Variants in CYP11A1 observed in about 807,000 individuals in gnomAD.
The protein encoded by CYP11A1 is cytochrome P450 family 11 subfamily A member 1.
Under a neutral mutation model 51.9 loss-of-function variants are expected in CYP11A1, and 25 were observed. The ratio of observed to expected loss-of-function variants is 0.48; its 90% CI spans 0.35 to 0.67. The LOEUF is 0.67. Ranked by LOEUF, CYP11A1 falls within the 30% of genes least tolerant of loss-of-function variation. The pLI is 0.00. For synonymous variants in CYP11A1, 245 were observed against 262.1 expected (o/e 0.93, Z 0.63); for missense variants, 578 against 680.9 (o/e 0.85, Z 1.68).
At chr15:74,339,166 T>G in intron 7 of CYP11A1, 71 bp downstream of exon 7, 1 of 1,337,546 alleles carries the variant, frequency 7.5e-7, no homozygotes, top group South Asian at 1.2e-5. Flanking sequence ...AGTGCCACCC[T>G]CTGTCTGCAA....
In CYP11A1 at chr15:74,352,487, T is replaced by G. The variant is rs192157159; in HGVS notation, c.270-4432A>C. ...GGTTTCACCATATTGGCCAGGCTGG[T>G]CTTGAACTCTTGACCTTGTGATCTG... On this transcript the variant is annotated intron_variant, in intron 1 of 8. Transcript: ENST00000268053. Among the ~76,000 whole-genome samples the G allele has an allele frequency of 6.6e-5, 10 of 152,264 alleles. No individual in the cohort carries two copies. The East Asian group carries it at 1.9e-3, about 29-fold the overall frequency.
intron 2 of CYP11A1, among the ~76,000 whole-genome samples, chr15:74,346,197 A>G (rs1033657537): frequency 1.3e-5 from 2 of 152,020 alleles, no homozygotes; most frequent in African/African-American, 4.8e-5. Context: ...TACTGAAAAT[A>G]CAAAAATTAG....
chr15:74,351,228 C>T (rs1427541557), intron 1 of CYP11A1, among the ~76,000 whole-genome samples: 1 of 152,040 alleles, frequency 6.6e-6, no homozygotes, highest in African/African-American at 2.4e-5. Context: ...TTCCTAGTAG[C>T]TCCTTGGAAA....
chr15:74,358,336 C>T (rs1251312133), intron 1 of CYP11A1, among the ~76,000 whole-genome samples: 2 of 152,234 alleles, frequency 1.3e-5, no homozygotes, highest in Admixed American at 6.5e-5. Context: ...TCTCTTCCCA[C>T]ACAAGGCAAA....
At chr15:74,351,844 T>C (rs1282460037) in intron 1 of CYP11A1, among the ~76,000 whole-genome samples, 1 of 152,228 alleles carries the variant, frequency 6.6e-6, no homozygotes, top group Non-Finnish European at 1.5e-5. Flanking sequence ...ACACCCTGCT[T>C]TGAAGTCGTG....
At position 74,338,076 on chromosome 15, in the gene CYP11A1, G is replaced by A. The variant is rs765916701; in HGVS notation, c.1462C>T (p.Gln488Ter). ...GTGGTGCCCACATCGCTGAGGTGTT[G>A]GATTTCAACTCTGAAGTTCTCCAGC... Reference protein sequence around the residue: ...NMLENFRVEIQHLSDVGTTFN... With the variant: ...NMLENFRVEI Residue 488 changes from glutamine to a stop codon, truncating the protein, a stop_gained, in exon 9 of 9, where the codon CAA becomes TAA. Coordinates refer to ENST00000268053, the MANE Select transcript of CYP11A1 (RefSeq NM_000781.3). LOFTEE classifies it high-confidence loss of function. The A allele has an allele frequency of 6.2e-7, 1 of 1,614,196 alleles. No individual in the cohort carries two copies. The highest frequency in any genetic ancestry group is 2.2e-5 in the East Asian group (1 of 44,884).
intron 1 of CYP11A1, among the ~76,000 whole-genome samples, chr15:74,355,468 T>A (rs1384365023): frequency 5.3e-5 from 8 of 152,182 alleles, no homozygotes; most frequent in Non-Finnish European, 7.3e-5. Flanking sequence ...CCCTCCCACC[T>A]GTCCCTTCAG....
intron 1 of CYP11A1, among the ~76,000 whole-genome samples, chr15:74,360,225 C>A (rs1055236542): frequency 6.6e-6 from 1 of 152,146 alleles, no homozygotes; most frequent in East Asian, 1.9e-4. Context: ...ATGCCCCTAG[C>A]TGTGCTGGAA....
intron 6 of CYP11A1, 99 bp from the exon 7 acceptor site, chr15:74,339,414 G>GCCTGGGGGGA: frequency 7.0e-7 from 1 of 1,434,848 alleles, no homozygotes; most frequent in South Asian, 1.2e-5. Context: ...AGCTGCAGCA[G>GCCTGGGGGGA]CCTGGGGGGA....
At chr15:74,355,377 G>C (rs1392525875) in intron 1 of CYP11A1, among the ~76,000 whole-genome samples, 1 of 152,128 alleles carries the variant, frequency 6.6e-6, no homozygotes, top group South Asian at 2.1e-4. Flanking sequence ...ATGGGCAAAT[G>C]GTCTGAGGTA....
intron 1 of CYP11A1, chr15:74,361,529 C>T: frequency 6.3e-6 from 4 of 638,904 alleles, no homozygotes; most frequent in Non-Finnish European, 1.1e-5. Flanking sequence ...GTCACTGCCA[C>T]CAGGAGCCCT....
At position 74,339,623 on chromosome 15, in the gene CYP11A1, A is replaced by G; in HGVS notation, c.1121T>C (p.Val374Ala). The G allele has an allele frequency of 6.2e-7, 1 of 1,613,904 alleles. No individual in the cohort carries two copies. The highest frequency in any genetic ancestry group is 8.5e-7 in the Non-Finnish European group (1 of 1,179,968). ...QGDMATMLQL[V>A]PLLKASIKET... is the part of the protein sequence containing the mutation. The stretch of plus-strand genomic sequence containing the variant: ...CTTGATGCTGGCTTTGAGGAGGGGG[A>G]CCAGCTGTAGCATCGTGGCCATGTC... Residue 374 changes from valine (V) to alanine (A), a missense_variant, in exon 6 of 9, where the codon GTC (valine) becomes GCC (alanine). By Grantham distance (64) the Val-to-Ala change is moderately conservative (BLOSUM62 0). Transcript: ENST00000268053.
chr15:74,347,953 C>T lies in CYP11A1; in HGVS notation c.372G>A (p.Pro124=), dbSNP rs772188130. The T allele has an allele frequency of 1.2e-5, 19 of 1,614,106 alleles. No homozygotes were observed. The highest frequency in any genetic ancestry group is 3.3e-4 in the Middle Eastern group (2 of 6,062). ...AATACTGGTGATAGGCGACCCAGGG[C>T]GGGATGAGGAATCGTTCTGGGTTGG... ...EGPNPERFLI[P]PWVAYHQYYQ... The change falls in exon 2 of 9, where the codon CCG becomes CCA. Residue 124 remains proline, a synonymous_variant. Transcript: ENST00000268053.
rs562862565 is a variant in CYP11A1 at position 74,344,117 on chromosome 15, T to C, written c.626-125A>G. 3.1e-3 allele frequency: 2,335 copies of C among 754,944 alleles called. 10 individuals are homozygous for C. The highest frequency in any genetic ancestry group is 4.3e-3 in the Non-Finnish European group (1,918 of 449,678). The allele number at this position is 754,944 out of a possible 1,614,324, so 46.8% of individuals were successfully genotyped here. A position where few individuals can be genotyped will look rare whatever the true frequency, so the allele number is the denominator to read the frequency against. ...GGATCTCTTGCCCCTACCCTCAGCC[T>C]CCTTCAGTAAATAAATTGAGGCCTG... On this transcript the variant is annotated intron_variant, in intron 3 of 8. Coordinates refer to ENST00000268053, the MANE Select transcript of CYP11A1 (RefSeq NM_000781.3).
intron 3 of CYP11A1, 30 bp from the exon 4 acceptor site, chr15:74,344,022 A>G: frequency 6.2e-7 from 1 of 1,602,106 alleles, no homozygotes; most frequent in East Asian, 2.2e-5. Context: ...CTGAGGAGCC[A>G]TTTCTGACGG....
chr15:74,365,521 C>T, intron 1 of CYP11A1: 1 of 269,254 alleles, frequency 3.7e-6, no homozygotes, highest in Non-Finnish European at 5.7e-6. Flanking sequence ...CGGAGGGTAA[C>T]GGATGTAGGG....
Position 74,348,037 on chromosome 15 carries a change from C to G in CYP11A1, c.288G>C (p.Val96=). The part of the protein sequence containing the change: ...GPIYREKLGN[V]ESVYVIDPED... ...CAGGGTCGATGACATAAACCGACTCCACGTTGCCGAGCTTCTCCCTGGAGG... is the reference window on the plus strand; with the variant it reads ...CAGGGTCGATGACATAAACCGACTCGACGTTGCCGAGCTTCTCCCTGGAGG... The change falls in exon 2 of 9, where the codon GTG becomes GTC. Residue 96 remains valine, a synonymous_variant. Transcript: ENST00000268053. 1.2e-6 allele frequency: 2 copies of G among 1,614,180 alleles called. No individual in the cohort carries two copies. The highest frequency in any genetic ancestry group is 1.3e-5 in the African/African-American group (1 of 75,064).
At position 74,339,743 on chromosome 15, in the gene CYP11A1, G is replaced by C. The variant is rs549836034; in HGVS notation, c.1001C>G (p.Thr334Ser). The C allele has an allele frequency of 5.6e-6, 9 of 1,614,128 alleles. No individual in the cohort carries two copies. The South Asian group carries it at 9.9e-5, about 18-fold the overall frequency. The stretch of plus-strand genomic sequence containing the variant: ...CATCTCATACAAGTGCCACTGCAGG[G>C]TCATGGACGTCTGGTGGGGAGTAGG... ...LAGGVDTTSMTLQWHLYEMAR... is the reference protein window; with the variant it reads ...LAGGVDTTSMSLQWHLYEMAR... Residue 334 changes from threonine to serine, a missense_variant, in exon 6 of 9, where the codon ACC becomes AGC. Physicochemically the swap from Thr to Ser is moderately conservative, Grantham distance 58 (BLOSUM62 1). Coordinates refer to ENST00000268053, the MANE Select transcript of CYP11A1 (RefSeq NM_000781.3).
chr15:74,350,152 G>A, intron 1 of CYP11A1: 2 of 388,840 alleles, frequency 5.1e-6, no homozygotes, highest in Non-Finnish European at 1.0e-5. Flanking sequence ...AGCATATGTA[G>A]TATATTCACA....
Sources: allele counts gnomAD v4.1 joint callset (sites outside exome capture counted in the v4.1 genomes callset), GRCh38; gene constraint gnomAD v4.1.1; transcripts MANE v1.5; gene names NCBI Gene and HGNC (gene_info 2026-07-23, HGNC 2026-07-21).